The following PHACTR1 variants were observed in gnomAD, a reference collection of about 807,000 sequenced individuals.
The protein encoded by PHACTR1 is RPEL repeat containing 1.
PHACTR1 carries 16 observed loss-of-function variants against 69.2 expected under a neutral mutation model. The ratio of observed to expected loss-of-function variants is 0.23; its 90% CI spans 0.16 to 0.35. The LOEUF is 0.35. Ranked by LOEUF, PHACTR1 falls within the 10% of genes least tolerant of loss-of-function variation. The probability of loss-of-function intolerance (pLI) is 1.00; values close to 1 mark genes in which losing one functional copy is unlikely to be tolerated. For missense variants in PHACTR1, 510 were observed against 734.7 expected (o/e 0.69, Z 3.54); for synonymous variants, 312 against 284.5 (o/e 1.10, Z -0.97).
chr6:13,033,658 A>G (rs1236655420), intron 4 of PHACTR1, among the ~76,000 whole-genome samples: 1 of 152,232 alleles, frequency 6.6e-6, no homozygotes, highest in Non-Finnish European at 1.5e-5. Flanking sequence ...GATTGATTCA[A>G]TCTGTCAGAA....
intron 5 of PHACTR1, among the ~76,000 whole-genome samples, chr6:13,083,922 T>C (rs1402331086): frequency 6.6e-6 from 1 of 152,160 alleles, no homozygotes; most frequent in African/African-American, 2.4e-5. Flanking sequence ...CTTTTCCTAA[T>C]TGAATGCCCT....
At chr6:13,250,232 A>C (rs1774193051) in intron 10 of PHACTR1, among the ~76,000 whole-genome samples, 1 of 152,218 alleles carries the variant, frequency 6.6e-6, no homozygotes. Flanking sequence ...CCTTCCTCTC[A>C]CAGTGCTGAT....
chr6:12,917,204 T>C (rs1372584116), intron 4 of PHACTR1, among the ~76,000 whole-genome samples: 2 of 152,254 alleles, frequency 1.3e-5, no homozygotes, highest in Admixed American at 1.3e-4. Context: ...CACCAGTTTA[T>C]GTTTTTCAGA....
intron 3 of PHACTR1, among the ~76,000 whole-genome samples, chr6:12,746,303 T>C (rs1765778741): frequency 6.6e-6 from 1 of 152,140 alleles, no homozygotes; most frequent in Non-Finnish European, 1.5e-5. Context: ...GGAGGCTGAA[T>C]TGGGCGGATT....
At chr6:13,270,309 G>GC (rs1777458210) in intron 10 of PHACTR1, among the ~76,000 whole-genome samples, 1 of 152,108 alleles carries the variant, frequency 6.6e-6, no homozygotes, top group African/African-American at 2.4e-5. Flanking sequence ...TCCCAACAGT[G>GC]CCCCCCAGCC....
intron 8 of PHACTR1, among the ~76,000 whole-genome samples, chr6:13,213,242 A>G (rs1731179791): frequency 6.6e-6 from 1 of 152,238 alleles, no homozygotes; most frequent in African/African-American, 2.4e-5. Flanking sequence ...ATTAAGCAGT[A>G]TTAGTGGTCT....
intron 5 of PHACTR1, among the ~76,000 whole-genome samples, chr6:13,148,389 C>T (rs1363437362): frequency 7.9e-5 from 12 of 152,036 alleles, no homozygotes. Flanking sequence ...TCTGTGTAAT[C>T]CAAGACCATT....
At chr6:13,218,374 G>A (rs774823092) in intron 8 of PHACTR1, among the ~76,000 whole-genome samples, 9 of 152,154 alleles carry the variant, frequency 5.9e-5, no homozygotes, top group Non-Finnish European at 1.2e-4. Flanking sequence ...CCCTTGAAAA[G>A]GGAGTGCCTC....
intron 5 of PHACTR1, among the ~76,000 whole-genome samples, chr6:13,122,649 A>G (rs1273228859): frequency 1.3e-5 from 2 of 152,256 alleles, no homozygotes; most frequent in South Asian, 4.1e-4. Flanking sequence ...CTACTTTTAA[A>G]TACTTAAAAT....
intron 5 of PHACTR1, among the ~76,000 whole-genome samples, chr6:13,159,998 C>A (rs1284370025): frequency 6.6e-6 from 1 of 152,062 alleles, no homozygotes; most frequent in Non-Finnish European, 1.5e-5. Context: ...TATTTGGAAG[C>A]TTAAATGACA....
At chr6:12,939,075 T>C (rs2127538670) in intron 4 of PHACTR1, among the ~76,000 whole-genome samples, 1 of 152,332 alleles carries the variant, frequency 6.6e-6, no homozygotes, top group South Asian at 2.1e-4. Flanking sequence ...ATACAGCTTT[T>C]CTGAACAAAG....
intron 5 of PHACTR1, among the ~76,000 whole-genome samples, chr6:13,115,437 T>C (rs1183424897): frequency 2.0e-5 from 3 of 152,178 alleles, no homozygotes; most frequent in Non-Finnish European, 4.4e-5. Context: ...TTGCACTTGA[T>C]TCTGCCTCCT....
chr6:13,207,582 A>G (rs548715427), intron 8 of PHACTR1, among the ~76,000 whole-genome samples: 1 of 151,212 alleles, frequency 6.6e-6, no homozygotes, highest in Admixed American at 6.5e-5. Context: ...GTATACACAC[A>G]TGAGTGTATG....
chr6:12,967,314 C>T (rs1793622610), intron 4 of PHACTR1, among the ~76,000 whole-genome samples: 1 of 152,204 alleles, frequency 6.6e-6, no homozygotes. Context: ...AAGGTGCTCT[C>T]TCCAGAGCTG....
intron 4 of PHACTR1, among the ~76,000 whole-genome samples, chr6:13,013,880 G>A (rs536969716): frequency 5.4e-5 from 8 of 149,066 alleles, no homozygotes; most frequent in Non-Finnish European, 1.0e-4. Flanking sequence ...GGGCGCCCGG[G>A]GGCCGGATGG....
intron 7 of PHACTR1, among the ~76,000 whole-genome samples, chr6:13,195,839 T>C (rs1383180096): frequency 6.7e-6 from 1 of 150,164 alleles, no homozygotes; most frequent in Non-Finnish European, 1.5e-5. Flanking sequence ...CCACACTTAT[T>C]CCGTGTGTCG....
intron 4 of PHACTR1, among the ~76,000 whole-genome samples, chr6:12,822,672 G>GGGACAGAAGCCCATCAGGAAA (rs1466123874): frequency 1.3e-5 from 2 of 152,202 alleles, no homozygotes; most frequent in African/African-American, 4.8e-5. Flanking sequence ...GCAGGACAGA[G>GGGACAGAAGCCCATCAGGAAA]GGACAGAAGC....
intron 5 of PHACTR1, among the ~76,000 whole-genome samples, chr6:13,105,984 A>G (rs908675109): frequency 3.3e-5 from 5 of 152,192 alleles, no homozygotes; most frequent in Non-Finnish European, 7.3e-5. Flanking sequence ...TTGTTAAGCT[A>G]TAGGGTGTGA....
chr6:13,152,899 G>A (rs576481297), intron 5 of PHACTR1, among the ~76,000 whole-genome samples: 27 of 152,158 alleles, frequency 1.8e-4, no homozygotes, highest in South Asian at 6.2e-4. Context: ...AGGCAAGACA[G>A]AATAAGCAGG....
Sources: gnomAD v4.1 joint callset for allele counts (sites outside exome capture counted in the v4.1 genomes callset) on GRCh38, gnomAD v4.1.1 for gene constraint, MANE v1.5 for transcripts, NCBI Gene and HGNC (gene_info 2026-07-23, HGNC 2026-07-21) for gene names.